The following STAU2 variants were observed in gnomAD, a reference collection of about 807,000 sequenced individuals.
STAU2 encodes staufen double-stranded RNA binding protein 2.
Under a neutral mutation model 65.9 loss-of-function variants are expected in STAU2, and 20 were observed. The ratio of observed to expected loss-of-function variants is 0.30; its 90% CI spans 0.21 to 0.44. The LOEUF (loss-of-function observed/expected upper bound fraction) is 0.44, where lower values mean the gene tolerates loss of function less well. Ranked by LOEUF, STAU2 falls within the 20% of genes least tolerant of loss-of-function variation. The probability of loss-of-function intolerance (pLI) is 1.00; values close to 1 mark genes in which losing one functional copy is unlikely to be tolerated. For missense variants in STAU2, 558 were observed against 683.9 expected (o/e 0.82, Z 2.05); for synonymous variants, 232 against 233.9 (o/e 0.99, Z 0.07).
chr8:73,484,856 C>T (rs1221664751), intron 13 of STAU2, among the ~76,000 whole-genome samples: 2 of 152,066 alleles, frequency 1.3e-5, no homozygotes. Context: ...AAAGGTTTCT[C>T]TAATAAAATA....
chr8:73,685,912 C>A (rs1818774175), intron 5 of STAU2, among the ~76,000 whole-genome samples: 1 of 152,144 alleles, frequency 6.6e-6, no homozygotes, highest in Non-Finnish European at 1.5e-5. Context: ...CAAATGCCCA[C>A]CAATCAACGA....
At chr8:73,434,790 T>C in intron 13 of STAU2, among the ~76,000 whole-genome samples, 1 of 151,896 alleles carries the variant, frequency 6.6e-6, no homozygotes, top group East Asian at 1.9e-4. Flanking sequence ...TCAATTTCCT[T>C]TGTATTTTTG....
chr8:73,527,733 A>C, intron 13 of STAU2: 2 of 1,536,796 alleles, frequency 1.3e-6, no homozygotes, highest in Non-Finnish European at 1.7e-6. Context: ...TAGCATGGAA[A>C]GTCATCTGCA....
chr8:73,654,666 T>A (rs1332845305), intron 6 of STAU2, among the ~76,000 whole-genome samples: 5 of 44,188 alleles, frequency 1.1e-4, no homozygotes, highest in East Asian at 6.3e-4. Context: ...AAAAAAGAAC[T>A]CTTTTAATTA....
intron 6 of STAU2, chr8:73,672,209 C>A (rs1262044717): frequency 6.6e-6 from 1 of 151,938 alleles, no homozygotes; most frequent in Non-Finnish European, 1.5e-5. Context: ...GATGAATCCC[C>A]AAACAAGAAA....
chr8:73,555,405 CA>C (rs1304047055), intron 12 of STAU2, among the ~76,000 whole-genome samples: 2 of 152,094 alleles, frequency 1.3e-5, no homozygotes, highest in Non-Finnish European at 2.9e-5. Context: ...ATCCTGATGC[CA>C]TTAAGTATAA....
In STAU2 at chr8:73,557,783, T is replaced by C. The variant is rs377454828; in HGVS notation, c.1223-5464A>G. 6.2e-4 allele frequency among the ~76,000 whole-genome samples: 94 copies of C among 152,352 alleles called. No individual in the cohort carries two copies. The South Asian group carries it at 0.018, about 30-fold the overall frequency. ...TCGCTCAGGCTTGTAACATCCATTA[T>C]ATTCATTCACCCTTTATCTGAAGAG... On this transcript the variant is annotated intron_variant, in intron 12 of 14. Transcript: ENST00000524300.
intron 4 of STAU2, among the ~76,000 whole-genome samples, chr8:73,706,039 A>G (rs571065507): frequency 2.0e-5 from 3 of 152,354 alleles, no homozygotes; most frequent in Admixed American, 2.0e-4. Flanking sequence ...ATTAACAGCC[A>G]AAGTTGAGAA....
intron 13 of STAU2, among the ~76,000 whole-genome samples, chr8:73,446,600 T>A (rs1478428840): frequency 6.6e-6 from 1 of 152,182 alleles, no homozygotes; most frequent in African/African-American, 2.4e-5. Context: ...AAATTAAAAC[T>A]GTGCTTTTGG....
chr8:73,550,533 A>T, intron 13 of STAU2: 1 of 984,824 alleles, frequency 1.0e-6, no homozygotes, highest in South Asian at 4.7e-5. Context: ...TTAGATTCAT[A>T]AATAAGCAGT....
At chr8:73,469,340 G>A (rs1458493145) in intron 13 of STAU2, among the ~76,000 whole-genome samples, 2 of 151,918 alleles carry the variant, frequency 1.3e-5, no homozygotes, top group Non-Finnish European at 2.9e-5. Flanking sequence ...AGCATTAGGA[G>A]ATATACCTAA....
chr8:73,455,358 G>A (rs1819005169), intron 13 of STAU2, among the ~76,000 whole-genome samples: 2 of 152,164 alleles, frequency 1.3e-5, no homozygotes, highest in South Asian at 2.1e-4. Context: ...TCTCTCAGGG[G>A]CTGTGCGGTC....
At chr8:73,497,671 T>A (rs1471600131) in intron 13 of STAU2, among the ~76,000 whole-genome samples, 1 of 151,744 alleles carries the variant, frequency 6.6e-6, no homozygotes, top group Non-Finnish European at 1.5e-5. Context: ...GTTATTTATC[T>A]CCAGGTAAAA....
chr8:73,616,960 T>C (rs901491031), intron 7 of STAU2, among the ~76,000 whole-genome samples: 10 of 152,182 alleles, frequency 6.6e-5, no homozygotes, highest in Admixed American at 2.0e-4. Context: ...GAAAAATCCA[T>C]AAAATCTCTT....
At chr8:73,480,906 G>A (rs4738369) in intron 13 of STAU2, among the ~76,000 whole-genome samples, 115,628 of 152,128 alleles carry the variant, frequency 0.76, 44,329 homozygotes, top group East Asian at 0.95. Flanking sequence ...AAATCAAGCT[G>A]GCTTAAACTT....
chr8:73,717,157 A>C (rs1415627248), intron 3 of STAU2, among the ~76,000 whole-genome samples: 1 of 152,188 alleles, frequency 6.6e-6, no homozygotes, highest in African/African-American at 2.4e-5. Context: ...AAGTTGGAGC[A>C]AATGGACAGT....
At chr8:73,724,535 T>C (rs958494728) in intron 3 of STAU2, among the ~76,000 whole-genome samples, 1 of 152,050 alleles carries the variant, frequency 6.6e-6, no homozygotes, top group Non-Finnish European at 1.5e-5. Flanking sequence ...TATAATGAGA[T>C]ATTTAACACT....
In STAU2 at chr8:73,610,942, G is replaced by A. The variant is rs540115461; in HGVS notation, c.891+2802C>T. Reference sequence around the variant, plus strand: ...AAAGCTGATTCTGCTACAGGATCTTGGATAGGTTTCTTAAATATAAAGGGC... The same window carrying A: ...AAAGCTGATTCTGCTACAGGATCTTAGATAGGTTTCTTAAATATAAAGGGC... On this transcript the variant is annotated intron_variant, in intron 9 of 14. Transcript: ENST00000524300. Among the ~76,000 whole-genome samples, 135 of 152,244 alleles carry A rather than the reference G, an allele frequency of 8.9e-4. 1 individual carries two copies. Among genetic ancestry groups the A allele is most frequent in the African/African-American group, 3.1e-3 (129 of 41,560 alleles).
At position 73,423,098 on chromosome 8, in the gene STAU2, A is replaced by G. The variant is rs376234095; in HGVS notation, c.1531-396T>C. ...CTTGAGTATTCTTTCCAAAGTAAGC[A>G]TAAAGGTATTGTTCAAATTGATAGA... On this transcript the variant is annotated intron_variant, in intron 13 of 14. Coordinates refer to ENST00000524300, the MANE Select transcript of STAU2 (RefSeq NM_001164380.2). 3.0e-4 allele frequency among the ~76,000 whole-genome samples: 46 copies of G among 152,370 alleles called. No homozygotes were observed. The South Asian group carries it at 8.9e-3, about 29-fold the overall frequency.
Sources: gnomAD v4.1 joint callset for allele counts (sites outside exome capture counted in the v4.1 genomes callset) on GRCh38, gnomAD v4.1.1 for gene constraint, MANE v1.5 for transcripts, NCBI Gene and HGNC (gene_info 2026-07-23, HGNC 2026-07-21) for gene names.